The following CRTC1 variants were observed in gnomAD, a reference collection of about 807,000 sequenced individuals.
CRTC1 encodes the protein CREB regulated transcription coactivator 1, also known as CREB-regulated transcription coactivator 1.
A neutral mutation model predicts 66.1 loss-of-function variants in CRTC1; 18 were observed. The observed-to-expected ratio is 0.27, with a 90% CI of 0.19 to 0.40. CRTC1 has a LOEUF of 0.40. Ranked by LOEUF, CRTC1 falls within the 10% of genes least tolerant of loss-of-function variation. The pLI is 1.00. For synonymous variants in CRTC1, 416 were observed against 398.8 expected (o/e 1.04, Z -0.51); for missense variants, 669 against 887.9 (o/e 0.75, Z 3.13).
chr19:18,733,453 TA>T (rs2053932901), intron 1 of CRTC1, among the ~76,000 whole-genome samples: 1 of 152,214 alleles, frequency 6.6e-6, no homozygotes, highest in Non-Finnish European at 1.5e-5. Flanking sequence ...CCATGCCTGA[TA>T]AAAGGCATTC....
chr19:18,719,571 C>A (rs960862976), intron 1 of CRTC1, among the ~76,000 whole-genome samples: 1 of 152,346 alleles, frequency 6.6e-6, no homozygotes, highest in Non-Finnish European at 1.5e-5. Flanking sequence ...GAGGGCATCT[C>A]GCCTTTGTCT....
chr19:18,745,325 G>A (rs1293019556), intron 2 of CRTC1, among the ~76,000 whole-genome samples: 1 of 152,214 alleles, frequency 6.6e-6, no homozygotes, highest in African/African-American at 2.4e-5. Flanking sequence ...AGCCTCCCAG[G>A]AACTCGCGCT....
chr19:18,774,245 G>A lies in CRTC1; in HGVS notation c.1426-655G>A, dbSNP rs182615105. On this transcript the variant is annotated intron_variant, in intron 11 of 13. Transcript: ENST00000321949. Reference sequence around the variant, plus strand: ...GGGCTCCGAGTGTCTCCTTTCTAGCGTCTCCACCACCCATAAGGTCCCCTA... The same window carrying A: ...GGGCTCCGAGTGTCTCCTTTCTAGCATCTCCACCACCCATAAGGTCCCCTA... Among the ~76,000 whole-genome samples the A allele has an allele frequency of 6.1e-4, 93 of 152,206 alleles. 2 individuals carry two copies. In the South Asian group the frequency reaches 0.013, roughly 21 times the overall value.
intron 1 of CRTC1, among the ~76,000 whole-genome samples, chr19:18,704,116 T>C (rs1295343719): frequency 6.6e-6 from 1 of 152,226 alleles, no homozygotes; most frequent in Non-Finnish European, 1.5e-5. Context: ...TCGTTTTCTT[T>C]TTATATTTTT....
intron 1 of CRTC1, among the ~76,000 whole-genome samples, chr19:18,703,701 G>A (rs1483460774): frequency 6.6e-6 from 1 of 152,024 alleles, no homozygotes; most frequent in African/African-American, 2.4e-5. Context: ...GACCTCAGAT[G>A]ATTCGCTTGC....
At position 18,768,868 on chromosome 19, in the gene CRTC1, C is replaced by T. The variant is rs544282317; in HGVS notation, c.1320+75C>T. On this transcript the variant is annotated intron_variant, in intron 10 of 13. Transcript: ENST00000321949. The surrounding 1 kb of genome is among the most constrained non-coding windows in gnomAD (Gnocchi z 5.6). ...GACAGCCCGGGGGCTGCAGAACAGTCGGGTTACCTGCTGCATGGGCCAGGG... is the reference window on the plus strand; with the variant it reads ...GACAGCCCGGGGGCTGCAGAACAGTTGGGTTACCTGCTGCATGGGCCAGGG... 84 of 1,488,446 alleles carry T rather than the reference C, an allele frequency of 5.6e-5. No individual in the cohort carries two copies. The highest frequency in any genetic ancestry group is 7.2e-5 in the Non-Finnish European group (81 of 1,117,808). 92.2% of individuals were successfully genotyped at this position (1,488,446 alleles called of 1,614,324 possible). A position where few individuals can be genotyped will look rare whatever the true frequency, so the allele number is the denominator to read the frequency against.
intron 5 of CRTC1, among the ~76,000 whole-genome samples, chr19:18,751,258 T>C (rs976360325): frequency 6.6e-6 from 1 of 151,726 alleles, no homozygotes; most frequent in African/African-American, 2.4e-5. Context: ...GTGTGGTGGC[T>C]CACGCCTGCA....
intron 1 of CRTC1, among the ~76,000 whole-genome samples, chr19:18,696,539 G>A (rs1346883700): frequency 6.6e-6 from 1 of 152,200 alleles, no homozygotes. Flanking sequence ...GAGGTCACAT[G>A]GCTGACGGTG....
chr19:18,733,287 GTC>G (rs2053929074), intron 1 of CRTC1, among the ~76,000 whole-genome samples: 5 of 152,172 alleles, frequency 3.3e-5, no homozygotes, highest in Non-Finnish European at 5.9e-5. Context: ...CAGGGCTGGA[GTC>G]TCTTTTGTGG....
intron 1 of CRTC1, among the ~76,000 whole-genome samples, chr19:18,709,182 G>A (rs2053333507): frequency 6.6e-6 from 1 of 152,166 alleles, no homozygotes; most frequent in Non-Finnish European, 1.5e-5. Context: ...AGCTGCAGAG[G>A]CTTGGTGTTG....
At chr19:18,691,609 G>A (rs145218864) in intron 1 of CRTC1, among the ~76,000 whole-genome samples, 180 of 151,766 alleles carry the variant, frequency 1.2e-3, no homozygotes, top group African/African-American at 4.2e-3. Flanking sequence ...AGATTGGAGC[G>A]ATGTGGTCAC....
intron 1 of CRTC1, among the ~76,000 whole-genome samples, chr19:18,719,089 A>G (rs1276539068): frequency 2.0e-5 from 3 of 152,164 alleles, no homozygotes; most frequent in Admixed American, 6.5e-5. Context: ...GGGCCCTGGA[A>G]GTCGAGCTGC....
intron 6 of CRTC1, among the ~76,000 whole-genome samples, chr19:18,756,248 G>A (rs1466414848): frequency 6.9e-6 from 1 of 145,600 alleles, no homozygotes; most frequent in Non-Finnish European, 1.5e-5. Flanking sequence ...CAGGAGAATT[G>A]CTTGAACCCG....
At chr19:18,730,329 T>C (rs927785329) in intron 1 of CRTC1, among the ~76,000 whole-genome samples, 1 of 152,060 alleles carries the variant, frequency 6.6e-6, no homozygotes, top group Non-Finnish European at 1.5e-5. Flanking sequence ...AGGGGGCGCC[T>C]GGTGAACACC....
chr19:18,713,683 G>A (rs996715636), intron 1 of CRTC1, among the ~76,000 whole-genome samples: 3 of 152,368 alleles, frequency 2.0e-5, no homozygotes, highest in East Asian at 3.9e-4. Context: ...GTCCAGGTTC[G>A]TGTTGGCTGG....
intron 1 of CRTC1, among the ~76,000 whole-genome samples, chr19:18,710,356 G>C (rs914381380): frequency 6.6e-6 from 1 of 152,116 alleles, no homozygotes; most frequent in Non-Finnish European, 1.5e-5. Context: ...CTGGCCTCCC[G>C]TCCTACTGCC....
At chr19:18,763,122 A>G (rs2054652359) in intron 8 of CRTC1, among the ~76,000 whole-genome samples, 1 of 151,242 alleles carries the variant, frequency 6.6e-6, no homozygotes, top group Non-Finnish European at 1.5e-5. Flanking sequence ...TTTTTTTGAG[A>G]CAAAGTCTCA....
At chr19:18,702,018 G>A (rs1477438860) in intron 1 of CRTC1, among the ~76,000 whole-genome samples, 2 of 150,570 alleles carry the variant, frequency 1.3e-5, no homozygotes, top group Admixed American at 1.3e-4. Context: ...CCTCCTCCCG[G>A]GTTCAAGCAA....
At chr19:18,705,444 A>C (rs2053241034) in intron 1 of CRTC1, among the ~76,000 whole-genome samples, 1 of 151,976 alleles carries the variant, frequency 6.6e-6, no homozygotes, top group Non-Finnish European at 1.5e-5. Context: ...CAGCCTCCCG[A>C]GTAGCTGGAA....
Sources: allele counts gnomAD v4.1 joint callset (sites outside exome capture counted in the v4.1 genomes callset), GRCh38; gene constraint gnomAD v4.1.1; non-coding constraint Gnocchi (gnomAD v3.1); transcripts MANE v1.5; gene names NCBI Gene and HGNC (gene_info 2026-07-23, HGNC 2026-07-21).